MEIS1: variants seen among roughly 807,000 people sequenced by gnomAD.
MEIS1 encodes the protein homeobox protein Meis1.
A neutral mutation model predicts 50.8 loss-of-function variants in MEIS1; 5 were observed. The ratio of observed to expected loss-of-function variants is 0.10; its 90% CI spans 0.05 to 0.21. The LOEUF (loss-of-function observed/expected upper bound fraction) is 0.21. Ranked by LOEUF, MEIS1 falls within the 10% of genes least tolerant of loss-of-function variation. The pLI, the probability that MEIS1 is intolerant of heterozygous loss-of-function variation, is 1.00. For synonymous variants in MEIS1, 176 were observed against 179.3 expected (o/e 0.98, Z 0.15); for missense variants, 318 against 517.3 (o/e 0.61, Z 3.74).
chr2:66,452,766 C>T (rs915557240), intron 6 of MEIS1, among the ~76,000 whole-genome samples: 8 of 151,874 alleles, frequency 5.3e-5, no homozygotes, highest in Non-Finnish European at 1.2e-4. Flanking sequence ...GTTTGTAGCA[C>T]TGTTTGTGTA....
chr2:66,538,973 C>T (rs1272732903), intron 8 of MEIS1, among the ~76,000 whole-genome samples: 1 of 152,102 alleles, frequency 6.6e-6, no homozygotes, highest in African/African-American at 2.4e-5. Flanking sequence ...CTGCAACCTC[C>T]GCCTCCCGGG....
chr2:66,541,918 C>T (rs1014378786), intron 8 of MEIS1, among the ~76,000 whole-genome samples: 2 of 152,178 alleles, frequency 1.3e-5, no homozygotes, highest in Admixed American at 6.5e-5. Flanking sequence ...GACAAAAAAG[C>T]ATTCACTGAA....
chr2:66,445,889 T>TG (rs1558521752), intron 6 of MEIS1, among the ~76,000 whole-genome samples: 1 of 152,204 alleles, frequency 6.6e-6, no homozygotes, highest in Non-Finnish European at 1.5e-5. Context: ...CAGTAGAAGC[T>TG]GTAATCCCGT....
At chr2:66,519,743 C>A (rs1674066294) in intron 8 of MEIS1, among the ~76,000 whole-genome samples, 1 of 152,008 alleles carries the variant, frequency 6.6e-6, no homozygotes, top group Admixed American at 6.6e-5. Context: ...TTATGAAGGC[C>A]AACATCCTAA....
chr2:66,518,706 T>C (rs1281709401), intron 8 of MEIS1, among the ~76,000 whole-genome samples: 2 of 152,214 alleles, frequency 1.3e-5, no homozygotes, highest in African/African-American at 4.8e-5. Flanking sequence ...CAAGTATACA[T>C]GTGAGTGTGT....
chr2:66,537,770 C>G lies in MEIS1; in HGVS notation c.889-10173C>G, dbSNP rs200937411. ...CTACTTAATGGTTTCAAAATCCTTT[C>G]TCTTTGATTTTTAAAGTGGAAAAGT... is the stretch of plus-strand genomic sequence containing the variant. On this transcript the variant is annotated intron_variant, in intron 8 of 12. Transcript: ENST00000272369. Among the ~76,000 whole-genome samples, 10 of 152,192 alleles carry G rather than the reference C, an allele frequency of 6.6e-5. No individual in the cohort carries two copies. The East Asian group carries it at 1.7e-3, about 26-fold the overall frequency.
chr2:66,443,984 C>T (rs1032103287), intron 6 of MEIS1, among the ~76,000 whole-genome samples: 2 of 152,176 alleles, frequency 1.3e-5, no homozygotes, highest in Non-Finnish European at 2.9e-5. Flanking sequence ...CCAACACCAC[C>T]GTTTGCTCCC....
chr2:66,561,459 A>G (rs2110974), intron 9 of MEIS1, among the ~76,000 whole-genome samples: 98,750 of 152,066 alleles, frequency 0.65, 32,351 homozygotes, highest in Non-Finnish European at 0.7. Context: ...AATGAATTAT[A>G]TATCAATTAT....
chr2:66,540,392 T>C (rs1288919431), intron 8 of MEIS1, among the ~76,000 whole-genome samples: 1 of 152,138 alleles, frequency 6.6e-6, no homozygotes, highest in East Asian at 1.9e-4. Context: ...CATTGCAACC[T>C]CCACCTCCTG....
intron 6 of MEIS1, 155 bp downstream of exon 6, chr2:66,443,203 T>C: frequency 1.2e-6 from 1 of 809,448 alleles, no homozygotes; most frequent in Non-Finnish European, 1.8e-6. Flanking sequence ...ATAATGTGGC[T>C]ATTATTGCTT....
chr2:66,439,426 C>T, intron 2 of MEIS1: 1 of 1,302,298 alleles, frequency 7.7e-7, no homozygotes, highest in Non-Finnish European at 9.7e-7. Context: ...CTAGGAGGAA[C>T]CCGCAGGAAC....
At chr2:66,496,356 A>T (rs1161793894) in intron 7 of MEIS1, among the ~76,000 whole-genome samples, 3 of 151,872 alleles carry the variant, frequency 2.0e-5, no homozygotes, top group African/African-American at 7.3e-5. Flanking sequence ...CTTTTCTTTG[A>T]TACATAAATG....
At chr2:66,556,900 C>T (rs1675079550) in intron 9 of MEIS1, among the ~76,000 whole-genome samples, 2 of 127,622 alleles carry the variant, frequency 1.6e-5, no homozygotes, top group Non-Finnish European at 3.2e-5. Context: ...GATTCCTATC[C>T]TCAGGACTTG....
chr2:66,534,837 A>T (rs1234481629), intron 8 of MEIS1, among the ~76,000 whole-genome samples: 1 of 152,220 alleles, frequency 6.6e-6, no homozygotes, highest in Admixed American at 6.5e-5. Context: ...CTGGATAAGG[A>T]CATTTCTTTC....
At chr2:66,474,734 AC>A (rs1272562782) in intron 7 of MEIS1, among the ~76,000 whole-genome samples, 1 of 152,184 alleles carries the variant, frequency 6.6e-6, no homozygotes, top group Non-Finnish European at 1.5e-5. Flanking sequence ...TTTGATTAGT[AC>A]AATTAGTTTG....
intron 7 of MEIS1, among the ~76,000 whole-genome samples, chr2:66,511,933 G>A (rs1218045012): frequency 6.6e-6 from 1 of 152,200 alleles, no homozygotes; most frequent in Admixed American, 6.5e-5. Flanking sequence ...TTTTGGCAAT[G>A]TTCTTTGGAA....
At position 66,437,746 on chromosome 2, in the gene MEIS1, C is replaced by T. The variant is rs201221821; in HGVS notation, c.22C>T (p.Leu8=). 2.5e-5 allele frequency: 40 copies of T among 1,613,918 alleles called. No homozygotes were observed. The African/African-American group carries it at 4.9e-4, about 20-fold the overall frequency. ...CCTGTTTGTCATGCAGTACGACGAT[C>T]TACCCCATTACGGGGGCATGGATGG... MAQRYDD[L]PHYGGMDGVG... Residue 8 remains leucine, a synonymous_variant, in exon 2 of 13, where the codon CTA becomes TTA. Coordinates refer to ENST00000272369, the MANE Select transcript of MEIS1 (RefSeq NM_002398.3).
intron 7 of MEIS1, among the ~76,000 whole-genome samples, chr2:66,499,158 C>T (rs970996915): frequency 3.9e-5 from 6 of 152,164 alleles, no homozygotes; most frequent in Admixed American, 2.0e-4. Flanking sequence ...CTCAAACCTT[C>T]GTTTTCAGAA....
intron 9 of MEIS1, among the ~76,000 whole-genome samples, chr2:66,566,710 A>C (rs923024758): frequency 6.6e-6 from 1 of 150,992 alleles, no homozygotes; most frequent in Non-Finnish European, 1.5e-5. Flanking sequence ...CCTTAATAAG[A>C]TGTTTATAAA....
Sources: allele counts gnomAD v4.1 joint callset (sites outside exome capture counted in the v4.1 genomes callset), GRCh38; gene constraint gnomAD v4.1.1; transcripts MANE v1.5; gene names NCBI Gene and HGNC (gene_info 2026-07-23, HGNC 2026-07-21).